The following LATS2 variants were observed in gnomAD, a reference collection of about 807,000 sequenced individuals.
LATS2 encodes the protein serine/threonine-protein kinase LATS2.
Under a neutral mutation model 76.0 loss-of-function variants are expected in LATS2, and 24 were observed. The observed-to-expected ratio is 0.32, with a 90% confidence interval of 0.23 to 0.44. LATS2 has a LOEUF of 0.44. LATS2 is among the 20% of genes least tolerant of loss of function. The probability of loss-of-function intolerance (pLI) is 1.00; values close to 1 mark genes in which losing one functional copy is unlikely to be tolerated. For synonymous variants in LATS2, 692 were observed against 635.4 expected, an observed-to-expected ratio of 1.09 and a Z score of -1.34; for missense variants, 1,286 against 1,481.2, an observed-to-expected ratio of 0.87 and a Z score of 2.16.
Position 21,046,077 on chromosome 13 carries a change from A to T in LATS2, c.-51T>A. ...AAATACAATCTTCTTAAAGTGTTTT[A>T]TTATTTAAAAAAAAAAACTGTCAAT... is the stretch of plus-strand genomic sequence containing the variant. On this transcript the variant is annotated 5_prime_UTR_variant, in exon 2 of 8. Coordinates refer to ENST00000382592, the MANE Select transcript of LATS2 (RefSeq NM_014572.3). 2 of 1,257,958 alleles carry T rather than the reference A, an allele frequency of 1.6e-6. No individual in the cohort carries two copies. The highest frequency in any genetic ancestry group is 2.2e-6 in the Non-Finnish European group (2 of 903,890). The allele number at this position is 1,257,958 out of a possible 1,614,324, so 77.9% of individuals were successfully genotyped here. A position where few individuals can be genotyped will look rare whatever the true frequency, so the allele number is the denominator to read the frequency against.
At chr13:21,056,995 T>C (rs1873468845) in intron 1 of LATS2, among the ~76,000 whole-genome samples, 1 of 152,180 alleles carries the variant, frequency 6.6e-6, no homozygotes, top group Non-Finnish European at 1.5e-5. Flanking sequence ...TCCGGGTACA[T>C]TTAATGAGAA....
At chr13:21,014,456 C>T (rs572048571) in intron 2 of LATS2, among the ~76,000 whole-genome samples, 5 of 152,292 alleles carry the variant, frequency 3.3e-5, no homozygotes, top group Admixed American at 6.5e-5. Flanking sequence ...GAATAAAGCA[C>T]GGCCTTGGCT....
At chr13:21,050,338 A>C (rs562975055) in intron 1 of LATS2, among the ~76,000 whole-genome samples, 1 of 151,374 alleles carries the variant, frequency 6.6e-6, no homozygotes, top group East Asian at 2.1e-4. Context: ...CAAATCAAGA[A>C]GTGTATCATT....
intron 2 of LATS2, among the ~76,000 whole-genome samples, chr13:21,032,079 G>A (rs1174852962): frequency 6.6e-6 from 1 of 152,174 alleles, no homozygotes. Context: ...TAGTTCCTAA[G>A]GGTTTCACTT....
intron 2 of LATS2, among the ~76,000 whole-genome samples, chr13:21,006,203 T>A (rs867191597): frequency 1.4e-5 from 2 of 142,100 alleles, no homozygotes; most frequent in African/African-American, 2.7e-5. Context: ...TTATCATGTG[T>A]GAGGAAAAAA....
chr13:20,978,184 G>A (rs563851245), intron 7 of LATS2, among the ~76,000 whole-genome samples: 1 of 152,168 alleles, frequency 6.6e-6, no homozygotes, highest in South Asian at 2.1e-4. Flanking sequence ...CAAAGTGCTG[G>A]GATGACAGGC....
At chr13:21,035,156 G>A (rs1872652214) in intron 2 of LATS2, among the ~76,000 whole-genome samples, 1 of 152,172 alleles carries the variant, frequency 6.6e-6, no homozygotes. Flanking sequence ...ATAAAAAATT[G>A]CATGATGAAT....
intron 2 of LATS2, among the ~76,000 whole-genome samples, chr13:21,036,868 C>T (rs947890831): frequency 6.6e-6 from 1 of 152,184 alleles, no homozygotes; most frequent in Non-Finnish European, 1.5e-5. Flanking sequence ...TGATAATATT[C>T]ATCGTTAGCA....
intron 1 of LATS2, among the ~76,000 whole-genome samples, chr13:21,058,123 C>T (rs1418751684): frequency 1.3e-5 from 2 of 152,204 alleles, no homozygotes; most frequent in Admixed American, 1.3e-4. Flanking sequence ...CAAGCCTTAC[C>T]CTTCTTTCTG....
chr13:20,993,090 G>A (rs1351226819), intron 2 of LATS2, among the ~76,000 whole-genome samples: 13 of 150,768 alleles, frequency 8.6e-5, no homozygotes, highest in African/African-American at 3.2e-4. Context: ...GAAAGACCCC[G>A]GACAGTGGGG....
Position 20,988,634 on chromosome 13 carries a change from C to T in LATS2, c.1146G>A (p.Gln382=), listed in dbSNP as rs764244799. Residue 382 remains glutamine (Q), a synonymous_variant, in exon 4 of 8, where the codon CAG becomes CAA. Coordinates refer to ENST00000382592, the MANE Select transcript of LATS2 (RefSeq NM_014572.3). ...GCGGCGGCGCCTCCAGGCCCGGCTT[C>T]TGCAGGGAGTCCCGGCGGGCCAGGG... ...AATLARRDSL[Q]KPGLEAPPRA... 6.3e-7 allele frequency: 1 copy of T among 1,586,780 alleles called. No homozygotes were observed. Among genetic ancestry groups the T allele is most frequent in the East Asian group, 2.3e-5 (1 of 44,338 alleles).
chr13:21,027,361 C>T (rs745944693), intron 2 of LATS2, among the ~76,000 whole-genome samples: 10 of 152,164 alleles, frequency 6.6e-5, no homozygotes, highest in Non-Finnish European at 1.5e-4. Flanking sequence ...TTCTACAATC[C>T]ATTTTGACTT....
chr13:21,023,692 G>A (rs1015939541), intron 2 of LATS2, among the ~76,000 whole-genome samples: 2 of 141,580 alleles, frequency 1.4e-5, no homozygotes, highest in Non-Finnish European at 3.0e-5. Context: ...AACAAACCTC[G>A]GCCGGGCGCA....
chr13:21,033,924 T>G (rs1307087667), intron 2 of LATS2, among the ~76,000 whole-genome samples: 2 of 152,044 alleles, frequency 1.3e-5, no homozygotes, highest in Non-Finnish European at 2.9e-5. Context: ...ACACACACAT[T>G]CCACAAGTTT....
chr13:21,042,560 G>C (rs1477084932), intron 2 of LATS2, among the ~76,000 whole-genome samples: 1 of 151,988 alleles, frequency 6.6e-6, no homozygotes, highest in African/African-American at 2.4e-5. Flanking sequence ...GTGGTGGCAC[G>C]CCTGTAGTCC....
intron 6 of LATS2, 51 bp downstream of exon 6, chr13:20,981,415 G>T: frequency 6.5e-7 from 1 of 1,542,494 alleles, no homozygotes; most frequent in Non-Finnish European, 8.8e-7. Context: ...CTCAGCTCAC[G>T]TCTGAAGGGA....
chr13:20,987,481 C>T (rs891574648), intron 4 of LATS2, among the ~76,000 whole-genome samples: 1 of 152,168 alleles, frequency 6.6e-6, no homozygotes, highest in Non-Finnish European at 1.5e-5. Flanking sequence ...CATTTTTCTT[C>T]CAAAATCCCA....
intron 1 of LATS2, among the ~76,000 whole-genome samples, chr13:21,052,170 G>A (rs1409403572): frequency 6.6e-6 from 1 of 152,200 alleles, no homozygotes; most frequent in Non-Finnish European, 1.5e-5. Context: ...TCACAGTGGT[G>A]CTGTGTGTGA....
In LATS2 at chr13:21,001,404, G is replaced by A. The variant is rs994494628; in HGVS notation, c.343-10000C>T. Among the ~76,000 whole-genome samples, 7 of 152,118 alleles carry A rather than the reference G, an allele frequency of 4.6e-5. No individual in the cohort carries two copies. In the East Asian group the frequency reaches 5.8e-4, roughly 13 times the overall value. ...CGGGCTGCAGCCCCCAGTGTGAAGC[G>A]GAATCTACTTCCCCTCCCCTTGAAT... is the stretch of plus-strand genomic sequence containing the variant. On this transcript the variant is annotated intron_variant, in intron 2 of 7. Coordinates refer to ENST00000382592, the MANE Select transcript of LATS2 (RefSeq NM_014572.3).
Sources: gnomAD v4.1 joint callset for allele counts (sites outside exome capture counted in the v4.1 genomes callset) on GRCh38, gnomAD v4.1.1 for gene constraint, MANE v1.5 for transcripts, NCBI Gene and HGNC (gene_info 2026-07-23, HGNC 2026-07-21) for gene names.